Variants in CTSC observed in about 807,000 individuals in gnomAD.
CTSC encodes cathepsin C, also known as dipeptidyl peptidase 1.
Under a neutral mutation model 40.9 loss-of-function variants are expected in CTSC, and 37 were observed. The ratio of observed to expected loss-of-function variants is 0.91; its 90% CI spans 0.70 to 1.19. The LOEUF (loss-of-function observed/expected upper bound fraction) is 1.19, where lower values mean the gene tolerates loss of function less well. Ranked by LOEUF, CTSC falls within the 50% of genes most tolerant of loss-of-function variation. The pLI is 0.00. For missense variants in CTSC, 594 were observed against 567.3 expected (o/e 1.05, Z -0.48); for synonymous variants, 232 against 207.4 (o/e 1.12, Z -1.02).
At chr11:88,328,886 A>G (rs759303226) in intron 2 of CTSC, among the ~76,000 whole-genome samples, 37 of 152,160 alleles carry the variant, frequency 2.4e-4, no homozygotes, top group Non-Finnish European at 4.3e-4. Context: ...AGCCTCCCAA[A>G]GTGTTCTTGT....
At position 88,294,053 on chromosome 11, in the gene CTSC, C is replaced by A. The variant is rs921439402; in HGVS notation, c.1345G>T (p.Ala449Ser). Residue 449 changes from alanine to serine, a missense_variant, in exon 7 of 7, where the codon GCA (alanine) becomes TCA (serine). Physicochemically the swap from Ala to Ser is moderately conservative, Grantham distance 99. Transcript: ENST00000227266. ...FRIRRGTDEC[A>S]IESIAVAATP... Reference sequence around the variant, plus strand: ...GCTGCCACTGCTATGCTCTCAATTGCACACTCATCAGTTCCTCTGCGGATC... The same window carrying A: ...GCTGCCACTGCTATGCTCTCAATTGAACACTCATCAGTTCCTCTGCGGATC... The A allele has an allele frequency of 2.0e-5, 32 of 1,613,892 alleles. No individual in the cohort carries two copies. Among genetic ancestry groups the A allele is most frequent in the African/African-American group, 2.7e-5 (2 of 74,880 alleles).
intron 4 of CTSC, among the ~76,000 whole-genome samples, chr11:88,302,408 G>C (rs1467837238): frequency 7.9e-5 from 12 of 152,148 alleles, no homozygotes; most frequent in Admixed American, 7.2e-4. Context: ...CGGATCACGA[G>C]GTCAGGAGAT....
chr11:88,337,457 G>A (rs1938531847), intron 1 of CTSC, 44 bp downstream of exon 1: 2 of 1,546,012 alleles, frequency 1.3e-6, no homozygotes, highest in Non-Finnish European at 1.8e-6. Context: ...AGGGGCTCAA[G>A]GGCAGAAAGG....
rs77407494 is a variant in CTSC at position 88,331,433 on chromosome 11, G to C, written c.318+3504C>G. Among the ~76,000 whole-genome samples the C allele has an allele frequency of 7.7e-3, 1,173 of 152,296 alleles. 13 individuals are homozygous for C. Among genetic ancestry groups the C allele is most frequent in the African/African-American group, 0.026 (1,095 of 41,560 alleles). ...TTATGATTTATTACAAAGGATATTT[G>C]AAAGGATATAAATACACAGGCACTT... On this transcript the variant is annotated intron_variant, in intron 2 of 6. Coordinates refer to ENST00000227266, the MANE Select transcript of CTSC (RefSeq NM_001814.6).
chr11:88,308,040 G>A (rs1937671210), intron 4 of CTSC, among the ~76,000 whole-genome samples: 1 of 152,188 alleles, frequency 6.6e-6, no homozygotes, highest in Non-Finnish European at 1.5e-5. Flanking sequence ...CTAAGAATGG[G>A]AACTGGGAGA....
intron 5 of CTSC, 189 bp from the exon 6 acceptor site, chr11:88,296,453 C>A: frequency 1.6e-6 from 1 of 624,358 alleles, no homozygotes; most frequent in South Asian, 1.8e-5. Context: ...AAGATTTCAT[C>A]CTTTTTCATC....
At chr11:88,316,199 G>A (rs1937873679) in intron 2 of CTSC, among the ~76,000 whole-genome samples, 1 of 152,152 alleles carries the variant, frequency 6.6e-6, no homozygotes, top group Non-Finnish European at 1.5e-5. Context: ...ACGCAGAACA[G>A]AAAGAAAGAA....
chr11:88,326,012 A>G, intron 2 of CTSC: 3 of 1,037,470 alleles, frequency 2.9e-6, no homozygotes, highest in Non-Finnish European at 3.5e-6. Flanking sequence ...AACAAAACAT[A>G]CACTTCAAAT....
At chr11:88,312,340 T>C (rs1402273799) in intron 3 of CTSC, 48 bp downstream of exon 3, 1 of 1,578,500 alleles carries the variant, frequency 6.3e-7, no homozygotes, top group Non-Finnish European at 8.7e-7. Flanking sequence ...CATATTCATA[T>C]ATACTATAAA....
intron 2 of CTSC, among the ~76,000 whole-genome samples, chr11:88,315,926 ACT>A (rs892951020): frequency 6.6e-6 from 1 of 152,098 alleles, no homozygotes; most frequent in Non-Finnish European, 1.5e-5. Flanking sequence ...AGAAAAGGTG[ACT>A]CTGCAAAATT....
At chr11:88,327,402 G>T (rs1019420205) in intron 2 of CTSC, among the ~76,000 whole-genome samples, 2 of 152,122 alleles carry the variant, frequency 1.3e-5, no homozygotes, top group African/African-American at 4.8e-5. Flanking sequence ...AAAGGGGAAA[G>T]AATATTATGT....
At chr11:88,327,917 A>T in intron 2 of CTSC, 1 of 601,156 alleles carries the variant, frequency 1.7e-6, no homozygotes, top group Non-Finnish European at 2.9e-6. Flanking sequence ...AATAAAGTAG[A>T]AAATTACTCA....
intron 2 of CTSC, among the ~76,000 whole-genome samples, chr11:88,328,995 G>A (rs955409033): frequency 1.3e-5 from 2 of 152,056 alleles, no homozygotes; most frequent in Non-Finnish European, 2.9e-5. Context: ...CAATTAGAAA[G>A]CCCTAAGATT....
At chr11:88,320,773 C>G in intron 2 of CTSC, 1 of 955,156 alleles carries the variant, frequency 1.0e-6, no homozygotes, top group Non-Finnish European at 1.2e-6. Flanking sequence ...ACAAAGGTAA[C>G]ACTTCAAAGA....
chr11:88,328,827 A>T lies in CTSC; in HGVS notation c.318+6110T>A, dbSNP rs573846812. Among the ~76,000 whole-genome samples the T allele has an allele frequency of 2.4e-4, 37 of 152,202 alleles. 1 individual carries two copies. Among genetic ancestry groups the T allele is most frequent in the African/African-American group, 8.4e-4 (35 of 41,530 alleles). On this transcript the variant is annotated intron_variant, in intron 2 of 6. Transcript: ENST00000227266. ...ATTTTTAGTATAGAGGGGTTTCACC[A>T]TGTTGAGGCTGGACTCCATCTTCTG... is the stretch of plus-strand genomic sequence containing the variant.
chr11:88,305,623 T>C (rs1461587286), intron 4 of CTSC, among the ~76,000 whole-genome samples: 1 of 152,236 alleles, frequency 6.6e-6, no homozygotes, highest in Non-Finnish European at 1.5e-5. Flanking sequence ...TTCTATTACG[T>C]CATTGGATTC....
At chr11:88,322,865 T>C (rs761973371) in intron 2 of CTSC, 2 of 152,186 alleles carry the variant, frequency 1.3e-5, no homozygotes, top group African/African-American at 2.4e-5. Flanking sequence ...TACCCTTTCT[T>C]CTGAAACTAT....
At chr11:88,299,922 A>G (rs1313741610) in intron 5 of CTSC, among the ~76,000 whole-genome samples, 1 of 152,222 alleles carries the variant, frequency 6.6e-6, no homozygotes, top group Non-Finnish European at 1.5e-5. Flanking sequence ...ACTTCTGAAA[A>G]TAACTGGTAA....
intron 2 of CTSC, 138 bp downstream of exon 2, chr11:88,334,799 C>T: frequency 1.5e-6 from 1 of 684,340 alleles, no homozygotes; most frequent in East Asian, 2.7e-5. Context: ...ATACCAACTA[C>T]TACTACTCTT....
Sources: gnomAD v4.1 joint callset for allele counts (sites outside exome capture counted in the v4.1 genomes callset) on GRCh38, gnomAD v4.1.1 for gene constraint, MANE v1.5 for transcripts, NCBI Gene and HGNC (gene_info 2026-07-23, HGNC 2026-07-21) for gene names.